The following FAM91A1 variants were observed in gnomAD, a reference collection of about 807,000 sequenced individuals.
FAM91A1 encodes family with sequence similarity 91 member A1, also known as protein FAM91A1.
Under a neutral mutation model 113.5 loss-of-function variants are expected in FAM91A1, and 41 were observed. The observed-to-expected ratio is 0.36, with a 90% confidence interval of 0.28 to 0.47. FAM91A1 has a LOEUF of 0.47. Ranked by LOEUF, FAM91A1 falls within the 20% of genes least tolerant of loss-of-function variation. The pLI is 1.00. For missense variants in FAM91A1, 696 were observed against 1,001.2 expected, an observed-to-expected ratio of 0.70 and a Z score of 4.11; for synonymous variants, 307 against 347.9, an observed-to-expected ratio of 0.88 and a Z score of 1.31.
At chr8:123,811,309 C>T (rs996206734) in intron 23 of FAM91A1, 1 of 152,066 alleles carries the variant, frequency 6.6e-6, no homozygotes, top group East Asian at 1.9e-4. Flanking sequence ...TAGTATTTTA[C>T]GTTGAGTGCA....
intron 10 of FAM91A1, among the ~76,000 whole-genome samples, chr8:123,785,414 A>G (rs1276360556): frequency 6.6e-6 from 1 of 152,188 alleles, no homozygotes; most frequent in African/African-American, 2.4e-5. Flanking sequence ...TTAGGGGTAG[A>G]TGTAGGGAGG....
chr8:123,777,942 G>A lies in FAM91A1; in HGVS notation c.368-83G>A, dbSNP rs78955281. The A allele has an allele frequency of 4.1e-4, 487 of 1,177,720 alleles. 1 individual carries two copies. The African/African-American group carries it at 5.3e-3, about 13-fold the overall frequency. The allele number at this position is 1,177,720 out of a possible 1,614,324, so 73.0% of individuals were successfully genotyped here. A position where few individuals can be genotyped will look rare whatever the true frequency, so the allele number is the denominator to read the frequency against. The stretch of plus-strand genomic sequence containing the variant: ...GTAATTGAAAGATGAAAATAAGCTC[G>A]GGTTTTTCCTACAATCGCTTGTGAA... On this transcript the variant is annotated intron_variant, in intron 4 of 23. Coordinates refer to ENST00000334705, the MANE Select transcript of FAM91A1 (RefSeq NM_144963.4).
At chr8:123,779,902 G>A in intron 6 of FAM91A1, 83 bp from the exon 7 acceptor site, 1 of 1,131,900 alleles carries the variant, frequency 8.8e-7, no homozygotes. Flanking sequence ...GTAATCACTG[G>A]TTTCAACATA....
At chr8:123,777,061 C>T (rs772047252) in intron 3 of FAM91A1, among the ~76,000 whole-genome samples, 32 of 152,124 alleles carry the variant, frequency 2.1e-4, no homozygotes, top group Non-Finnish European at 3.5e-4. Flanking sequence ...GAAACCTAGA[C>T]CTGAAAATCT....
intron 20 of FAM91A1, among the ~76,000 whole-genome samples, chr8:123,807,644 T>G (rs1037875356): frequency 2.0e-5 from 3 of 151,856 alleles, no homozygotes; most frequent in Admixed American, 6.6e-5. Context: ...TTAGAGAAGG[T>G]GAAGTTTGAG....
At chr8:123,809,338 A>G (rs1815893595) in intron 22 of FAM91A1, among the ~76,000 whole-genome samples, 1 of 152,226 alleles carries the variant, frequency 6.6e-6, no homozygotes, top group Non-Finnish European at 1.5e-5. Context: ...GTATGTCTAC[A>G]GAAAATTTCT....
chr8:123,809,016 G>GGTGA lies in FAM91A1; in HGVS notation c.2261+2_2261+5dup, dbSNP rs1178983871. On this transcript the variant is annotated stop_gained and frameshift_variant and splice_region_variant. Coordinates refer to ENST00000334705, the MANE Select transcript of FAM91A1 (RefSeq NM_144963.4). LOFTEE classifies it high-confidence loss of function. ...GCACATGGCCTTTGCAGAAAAGAGAGGTGAGGGTTTATATTCGCTGTCATA... is the reference window on the plus strand; with the variant it reads ...GCACATGGCCTTTGCAGAAAAGAGAGGTGAGTGAGGGTTTATATTCGCTGTCATA... The GGTGA allele has an allele frequency of 6.2e-7, 1 of 1,611,308 alleles. No homozygotes were observed. Among genetic ancestry groups the GGTGA allele is most frequent in the African/African-American group, 1.3e-5 (1 of 74,798 alleles).
At chr8:123,777,184 G>A in intron 3 of FAM91A1, 81 bp from the exon 4 acceptor site, 1 of 941,508 alleles carries the variant, frequency 1.1e-6, no homozygotes, top group South Asian at 1.6e-5. Context: ...ATTGTTATTG[G>A]CTGTAATAAT....
At chr8:123,812,409 GC>G in intron 23 of FAM91A1, 109 bp from the exon 24 acceptor site, 1 of 714,160 alleles carries the variant, frequency 1.4e-6, no homozygotes, top group Non-Finnish European at 2.0e-6. Flanking sequence ...GTACTGCTTT[GC>G]AATCCATAAA....
At chr8:123,796,642 A>G (rs1815527286) in intron 15 of FAM91A1, among the ~76,000 whole-genome samples, 1 of 151,354 alleles carries the variant, frequency 6.6e-6, no homozygotes, top group African/African-American at 2.4e-5. Context: ...GTATTTTAGT[A>G]GAGACGGGGT....
At chr8:123,769,392 GGAGTTGAAGTTTTTT>G (rs1814785521) in intron 1 of FAM91A1, among the ~76,000 whole-genome samples, 1 of 152,196 alleles carries the variant, frequency 6.6e-6, no homozygotes, top group Non-Finnish European at 1.5e-5. Context: ...TGACATGTTT[GGAGTTGAAGTTTTTT>G]GAGTGCGCGG....
chr8:123,810,606 AT>A (rs1815930131), intron 23 of FAM91A1: 2 of 540,400 alleles, frequency 3.7e-6, no homozygotes, highest in African/African-American at 2.0e-5. Context: ...AGTGTCTTTT[AT>A]GGGCTGTGTG....
chr8:123,784,493 A>C lies in FAM91A1; in HGVS notation c.727A>C (p.Met243Leu). The stretch of plus-strand genomic sequence containing the variant: ...AGTTCCACCTCTTGAAGGTTTTGTA[A>C]TGAATCGAGTGCAAGGTGATTATTT... ...IAVPPLEGFVMNRVQGDYFET... is the reference protein window; with the variant it reads ...IAVPPLEGFVLNRVQGDYFET... Residue 243 changes from methionine (M) to leucine (L), a missense_variant, in exon 9 of 24, where the codon ATG becomes CTG. Transcript: ENST00000334705. 6.2e-7 allele frequency: 1 copy of C among 1,605,992 alleles called. No homozygotes were observed.
chr8:123,805,245 T>G (rs773918019), intron 18 of FAM91A1, 22 bp from the exon 19 acceptor site: 1 of 1,591,306 alleles, frequency 6.3e-7, no homozygotes, highest in African/African-American at 1.3e-5. Context: ...TTGTATACCT[T>G]TTAACTTTTG....
At chr8:123,804,565 A>G (rs1301992724) in intron 18 of FAM91A1, among the ~76,000 whole-genome samples, 1 of 148,188 alleles carries the variant, frequency 6.7e-6, no homozygotes, top group Non-Finnish European at 1.5e-5. Context: ...AACCCTATCA[A>G]GTTTCCACTC....
At chr8:123,778,220 A>C (rs76335885) in intron 5 of FAM91A1, 128 bp downstream of exon 5, 4 of 632,440 alleles carry the variant, frequency 6.3e-6, no homozygotes, top group Non-Finnish European at 7.9e-6. Context: ...GAAACAATAC[A>C]AAAAAAACTC....
rs1314864384 is a variant in FAM91A1 at position 123,812,440 on chromosome 8, G to T, written c.2332-79G>T. On this transcript the variant is annotated intron_variant, in intron 23 of 23. Coordinates refer to ENST00000334705, the MANE Select transcript of FAM91A1 (RefSeq NM_144963.4). ...CATAAACACTTCTCAGGTAATCAAG[G>T]TCTCTCTTTCTCATTAGTTATATTA... 4.0e-6 allele frequency: 5 copies of T among 1,257,626 alleles called. No individual in the cohort carries two copies. In the South Asian group the frequency reaches 4.7e-5, roughly 12 times the overall value. The allele number at this position is 1,257,626 out of a possible 1,614,324, so 77.9% of individuals were successfully genotyped here.
rs181859731 is a variant in FAM91A1, at chr8:123,807,876, G to A, written c.2033-396G>A. On this transcript the variant is annotated intron_variant, in intron 20 of 23. Coordinates refer to ENST00000334705, the MANE Select transcript of FAM91A1 (RefSeq NM_144963.4). ...ATGAGTCAGAAAAGAACTTTGAAGA[G>A]TAATAACATAATCAGACTATATATT... Among the ~76,000 whole-genome samples the A allele has an allele frequency of 3.3e-5, 5 of 152,320 alleles. No homozygotes were observed. In the East Asian group the frequency reaches 9.6e-4, roughly 29 times the overall value.
chr8:123,805,188 A>G, intron 18 of FAM91A1, 79 bp from the exon 19 acceptor site: 1 of 1,140,376 alleles, frequency 8.8e-7, no homozygotes, highest in Non-Finnish European at 1.3e-6. Context: ...ATTACATGAC[A>G]CAATCTTATT....
Sources: allele counts gnomAD v4.1 joint callset (sites outside exome capture counted in the v4.1 genomes callset), GRCh38; gene constraint gnomAD v4.1.1; transcripts MANE v1.5; gene names NCBI Gene and HGNC (gene_info 2026-07-23, HGNC 2026-07-21).